The following NXT1 variants were observed in gnomAD, a reference collection of about 807,000 sequenced individuals.
The protein encoded by NXT1 is NTF2-related export protein 1.
A neutral mutation model predicts 9.9 loss-of-function variants in NXT1; 3 were observed. The observed-to-expected ratio is 0.30, with a 90% CI of 0.14 to 0.79. NXT1 has a LOEUF of 0.79. Ranked by LOEUF, NXT1 falls within the 30% of genes least tolerant of loss-of-function variation. The probability of loss-of-function intolerance (pLI) is 0.63; values close to 1 mark genes in which losing one functional copy is unlikely to be tolerated. For missense variants in NXT1, 91 were observed against 178.2 expected (o/e 0.51, Z 2.79); for synonymous variants, 53 against 66.5 (o/e 0.80, Z 0.99).
At chr20:23,351,564 T>C (rs948835456) in intron 1 of NXT1, 4 of 152,080 alleles carry the variant, frequency 2.6e-5, no homozygotes, top group Admixed American at 6.5e-5. Context: ...TGTTAGATTG[T>C]GTTTGGAAAG....
chr20:23,352,955 TG>T (rs1262579184), intron 1 of NXT1, among the ~76,000 whole-genome samples: 1 of 152,218 alleles, frequency 6.6e-6, no homozygotes, highest in Admixed American at 6.5e-5. Context: ...TCTGTCCTCA[TG>T]TCATTTGTGT....
intron 1 of NXT1, among the ~76,000 whole-genome samples, chr20:23,353,613 G>T (rs1980330794): frequency 6.6e-6 from 1 of 152,206 alleles, no homozygotes; most frequent in Non-Finnish European, 1.5e-5. Flanking sequence ...AAGTGAGACT[G>T]TCACAAAAAC....
chr20:23,352,310 C>G (rs1347084170), intron 1 of NXT1, among the ~76,000 whole-genome samples: 1 of 152,100 alleles, frequency 6.6e-6, no homozygotes, highest in Admixed American at 6.5e-5. Context: ...GTCCAGAGTA[C>G]AGTTGAGGCT....
At position 23,354,703 on chromosome 20, in the gene NXT1, A is replaced by G. The variant is rs975098687; in HGVS notation, c.*239A>G. On this transcript the variant is annotated 3_prime_UTR_variant, in exon 2 of 2. Coordinates refer to ENST00000254998, the MANE Select transcript of NXT1 (RefSeq NM_013248.3). ...AAGTAGTAAACTTTTCTATTTTTCTACTTGCCCAGTAGAGACTCTGATTCT... is the reference window on the plus strand; with the variant it reads ...AAGTAGTAAACTTTTCTATTTTTCTGCTTGCCCAGTAGAGACTCTGATTCT... The G allele has an allele frequency of 5.7e-6, 3 of 522,482 alleles. No individual in the cohort carries two copies. The highest frequency in any genetic ancestry group is 3.8e-5 in the Admixed American group (1 of 26,274). 32.4% of individuals were successfully genotyped at this position (522,482 alleles called of 1,614,324 possible). A position where few individuals can be genotyped will look rare whatever the true frequency, so the allele number is the denominator to read the frequency against.
At position 23,350,796 on chromosome 20, in the gene NXT1, T is replaced by G. The variant is rs1473865144; in HGVS notation, c.-327T>G. Reference sequence around the variant, plus strand: ...AGGGCGGCGCCGGGGCGCTCGCGTCTGCGTGGAGACCGGCTGGCCGCGCGC... The same window carrying G: ...AGGGCGGCGCCGGGGCGCTCGCGTCGGCGTGGAGACCGGCTGGCCGCGCGC... On this transcript the variant is annotated 5_prime_UTR_variant, in exon 1 of 2. Coordinates refer to ENST00000254998, the MANE Select transcript of NXT1 (RefSeq NM_013248.3). The G allele has an allele frequency of 6.6e-6, 1 of 152,268 alleles. No individual in the cohort carries two copies. Among genetic ancestry groups the G allele is most frequent in the Admixed American group, 6.5e-5 (1 of 15,294 alleles). The allele number at this position is 152,268 out of a possible 1,614,324, so 9.4% of individuals were successfully genotyped here.
chr20:23,353,249 C>T (rs1315928409), intron 1 of NXT1, among the ~76,000 whole-genome samples: 1 of 152,214 alleles, frequency 6.6e-6, no homozygotes. Flanking sequence ...GCCTCCTTAT[C>T]CTCTGGGAAT....
At chr20:23,351,226 C>T (rs1008496731) in intron 1 of NXT1, 165 bp downstream of exon 1, 4 of 152,376 alleles carry the variant, frequency 2.6e-5, no homozygotes, top group African/African-American at 9.6e-5. Flanking sequence ...GCAGCGAATT[C>T]TCATCAACGA....
At chr20:23,352,508 T>A (rs1330855948) in intron 1 of NXT1, among the ~76,000 whole-genome samples, 1 of 149,974 alleles carries the variant, frequency 6.7e-6, no homozygotes, top group Non-Finnish European at 1.5e-5. Context: ...CATAAGCTAA[T>A]CATTATAAAA....
Position 23,354,467 on chromosome 20 carries a change from G to C in NXT1, c.*3G>C, listed in dbSNP as rs1014614327. Reference sequence around the variant, plus strand: ...GCTTCCAGGACTGGGCCAGCTAGTGGGGGTGGCAGAGGTCTCTTTGCTTCA... The same window carrying C: ...GCTTCCAGGACTGGGCCAGCTAGTGCGGGTGGCAGAGGTCTCTTTGCTTCA... On this transcript the variant is annotated 3_prime_UTR_variant, in exon 2 of 2. Coordinates refer to ENST00000254998, the MANE Select transcript of NXT1 (RefSeq NM_013248.3). The C allele has an allele frequency of 1.2e-6, 2 of 1,609,142 alleles. No homozygotes were observed. The highest frequency in any genetic ancestry group is 1.7e-5 in the Admixed American group (1 of 59,662).
At position 23,351,029 on chromosome 20, in the gene NXT1, CG is replaced by C. The variant is rs1980246693; in HGVS notation, c.-92del. 6.6e-6 allele frequency: 1 copy of C among 152,278 alleles called. No individual in the cohort carries two copies. Among genetic ancestry groups the C allele is most frequent in the South Asian group, 2.1e-4 (1 of 4,830 alleles). The allele number at this position is 152,278 out of a possible 1,614,324, so 9.4% of individuals were successfully genotyped here. ...GGGGGCGTCCCGACCGTGGGGGCCG[CG>C]GCCCGCGCTGACCCTGGACGTCGCC... On this transcript the variant is annotated 5_prime_UTR_variant, in exon 1 of 2. Transcript: ENST00000254998.
chr20:23,353,141 G>T (rs187528700), intron 1 of NXT1, among the ~76,000 whole-genome samples: 12 of 152,354 alleles, frequency 7.9e-5, no homozygotes, highest in Non-Finnish European at 8.8e-5. Flanking sequence ...CCAAGGGGCT[G>T]TCATGTCTGT....
In NXT1 at chr20:23,354,758, A is replaced by G. The variant is rs1480030806; in HGVS notation, c.*294A>G. 1.0e-5 allele frequency: 4 copies of G among 395,774 alleles called. No homozygotes were observed. Among genetic ancestry groups the G allele is most frequent in the Middle Eastern group, 7.3e-4 (1 of 1,368 alleles). The allele number at this position is 395,774 out of a possible 1,614,324, so 24.5% of individuals were successfully genotyped here. A position where few individuals can be genotyped will look rare whatever the true frequency, so the allele number is the denominator to read the frequency against. Reference sequence around the variant, plus strand: ...ATTCTGACAAATAATTTAATAATACACATGTTGCTTCTTTCCCTGTCTGAT... The same window carrying G: ...ATTCTGACAAATAATTTAATAATACGCATGTTGCTTCTTTCCCTGTCTGAT... On this transcript the variant is annotated 3_prime_UTR_variant, in exon 2 of 2. Coordinates refer to ENST00000254998, the MANE Select transcript of NXT1 (RefSeq NM_013248.3).
chr20:23,354,137 G>A lies in NXT1; in HGVS notation c.96G>A (p.Arg32=). The change falls in exon 2 of 2, where the codon CGG becomes CGA. Residue 32 remains arginine, a synonymous_variant. Transcript: ENST00000254998. The part of the protein sequence containing the change: ...NVYYTTMDKR[R]RLLSRLYMGT... ...ACTACACCACCATGGATAAGCGGCGGCGTTTGCTGTCCCGCCTGTACATGG... is the reference window on the plus strand; with the variant it reads ...ACTACACCACCATGGATAAGCGGCGACGTTTGCTGTCCCGCCTGTACATGG... 6.2e-7 allele frequency: 1 copy of A among 1,614,150 alleles called. No individual in the cohort carries two copies. Among genetic ancestry groups the A allele is most frequent in the Non-Finnish European group, 8.5e-7 (1 of 1,180,032 alleles).
At position 23,354,481 on chromosome 20, in the gene NXT1, C is replaced by A. The variant is rs1197923338; in HGVS notation, c.*17C>A. 6.2e-7 allele frequency: 1 copy of A among 1,602,884 alleles called. No individual in the cohort carries two copies. The highest frequency in any genetic ancestry group is 8.5e-7 in the Non-Finnish European group (1 of 1,174,420). On this transcript the variant is annotated 3_prime_UTR_variant, in exon 2 of 2. Coordinates refer to ENST00000254998, the MANE Select transcript of NXT1 (RefSeq NM_013248.3). Reference sequence around the variant, plus strand: ...GCCAGCTAGTGGGGGTGGCAGAGGTCTCTTTGCTTCATTCAGCCCTAGCTC... The same window carrying A: ...GCCAGCTAGTGGGGGTGGCAGAGGTATCTTTGCTTCATTCAGCCCTAGCTC...
At chr20:23,353,005 A>G (rs1236743555) in intron 1 of NXT1, among the ~76,000 whole-genome samples, 1 of 152,140 alleles carries the variant, frequency 6.6e-6, no homozygotes, top group Non-Finnish European at 1.5e-5. Context: ...CTGCCTTCCC[A>G]GTTCCTCCTG....
At position 23,354,317 on chromosome 20, in the gene NXT1, T is replaced by C; in HGVS notation, c.276T>C (p.Leu92=). The C allele has an allele frequency of 6.2e-7, 1 of 1,614,206 alleles. No homozygotes were observed. The highest frequency in any genetic ancestry group is 8.5e-7 in the Non-Finnish European group (1 of 1,180,042). The stretch of plus-strand genomic sequence containing the variant: ...CCACACCAAGCCAGACCACGGTCCT[T>C]GTTGTCATCTGTGGATCAGTGAAGT... The part of the protein sequence containing the change: ...DEATPSQTTV[L]VVICGSVKFE... Residue 92 remains leucine (L), a synonymous_variant, in exon 2 of 2, where the codon CTT becomes CTC. Transcript: ENST00000254998.
At position 23,354,142 on chromosome 20, in the gene NXT1, T is replaced by G. The variant is rs752212538; in HGVS notation, c.101T>G (p.Leu34Trp). Reference protein sequence around the residue: ...YYTTMDKRRRLLSRLYMGTAT... With the variant: ...YYTTMDKRRRWLSRLYMGTAT... ...ACCACCATGGATAAGCGGCGGCGTT[T>G]GCTGTCCCGCCTGTACATGGGCACA... The change falls in exon 2 of 2, where the codon TTG (leucine) becomes TGG (tryptophan). Residue 34 changes from leucine (L) to tryptophan (W), a missense_variant. By Grantham distance (61) the Leu-to-Trp change is moderately conservative. Transcript: ENST00000254998. 16 of 1,614,072 alleles carry G rather than the reference T, an allele frequency of 9.9e-6. No homozygotes were observed. The highest frequency in any genetic ancestry group is 1.3e-5 in the Non-Finnish European group (15 of 1,180,056).
In NXT1 at chr20:23,354,447, C is replaced by T; in HGVS notation, c.406C>T (p.Gln136Ter). 6.2e-7 allele frequency: 1 copy of T among 1,613,358 alleles called. No individual in the cohort carries two copies. Among genetic ancestry groups the T allele is most frequent in the Non-Finnish European group, 8.5e-7 (1 of 1,179,560 alleles). Residue 136 changes from glutamine (Q) to a stop codon, truncating the protein, a stop_gained, in exon 2 of 2, where the codon CAG becomes TAG. Transcript: ENST00000254998. LOFTEE classifies it high-confidence loss of function. ...GATCGCAAGTGACTGCTTCCGCTTC[C>T]AGGACTGGGCCAGCTAGTGGGGGTG... ...WKIASDCFRF[Q>*]DWAS is the part of the protein sequence containing the mutation.
At chr20:23,353,957 C>A (rs1980339284) in intron 1 of NXT1, 24 bp from the exon 2 acceptor site, 25 of 1,386,440 alleles carry the variant, frequency 1.8e-5, no homozygotes, top group Middle Eastern at 1.9e-4. Context: ...CACGTGGCTT[C>A]TCTTCAACCT....
Sources: gnomAD v4.1 joint callset for allele counts (sites outside exome capture counted in the v4.1 genomes callset) on GRCh38, gnomAD v4.1.1 for gene constraint, MANE v1.5 for transcripts, NCBI Gene and HGNC (gene_info 2026-07-23, HGNC 2026-07-21) for gene names.